FAM200B: variants seen among roughly 807,000 people sequenced by gnomAD.
The protein encoded by FAM200B is protein FAM200B.
A neutral mutation model predicts 33.1 loss-of-function variants in FAM200B; 32 were observed. The observed-to-expected ratio is 0.97, with a 90% confidence interval of 0.73 to 1.30. The LOEUF (loss-of-function observed/expected upper bound fraction) is 1.30. FAM200B is among the 50% of genes most tolerant of loss of function. FAM200B has a pLI of 0.00. For missense variants in FAM200B, 741 were observed against 754.0 expected, an observed-to-expected ratio of 0.98 and a Z score of 0.20; for synonymous variants, 240 against 264.8, an observed-to-expected ratio of 0.91 and a Z score of 0.91.
the FAM200B span, among the ~76,000 whole-genome samples, chr4:15,653,601 G>C: frequency 1.3e-5 from 2 of 151,934 alleles, no homozygotes; most frequent in Non-Finnish European, 2.9e-5. Context: ...AGAAAACCTT[G>C]GATTCTGTTA....
At chr4:15,657,507 CAAA>C in the FAM200B span, among the ~76,000 whole-genome samples, 1 of 152,018 alleles carries the variant, frequency 6.6e-6, no homozygotes, top group East Asian at 1.9e-4. Context: ...GCAACAACAA[CAAA>C]AAAAGTCCAT....
In FAM200B at chr4:15,689,026, G is replaced by A. The variant is rs1454887002; in HGVS notation, c.*75G>A. On this transcript the variant is annotated 3_prime_UTR_variant, in exon 2 of 2. Coordinates refer to ENST00000422728, the MANE Select transcript of FAM200B (RefSeq NM_001145191.2). The stretch of plus-strand genomic sequence containing the variant: ...TATTTTTCTATGTTATATTTAAATG[G>A]TACTATAATACTGTGATACTTTTGT... 14 of 1,095,228 alleles carry A rather than the reference G, an allele frequency of 1.3e-5. No homozygotes were observed. The highest frequency in any genetic ancestry group is 1.6e-5 in the Non-Finnish European group (13 of 812,788). 67.8% of individuals were successfully genotyped at this position (1,095,228 alleles called of 1,614,324 possible).
chr4:15,641,356 C>T, the FAM200B span, among the ~76,000 whole-genome samples: 2 of 152,098 alleles, frequency 1.3e-5, no homozygotes, highest in African/African-American at 2.4e-5. Context: ...GCCTCTCCCA[C>T]CCCTGCAACA....
At chr4:15,651,118 TCAGA>T in the FAM200B span, among the ~76,000 whole-genome samples, 1 of 152,200 alleles carries the variant, frequency 6.6e-6, no homozygotes, top group Non-Finnish European at 1.5e-5. Flanking sequence ...GTCTACTCAC[TCAGA>T]CAATGCTTTA....
the FAM200B span, chr4:15,644,467 G>C: frequency 1.3e-6 from 2 of 1,570,642 alleles, no homozygotes; most frequent in African/African-American, 3.0e-5. Flanking sequence ...AGTTTTGACA[G>C]TTGAATATCC....
At chr4:15,638,572 T>A in the FAM200B span, 1 of 1,608,402 alleles carries the variant, frequency 6.2e-7, no homozygotes, top group East Asian at 2.2e-5. Context: ...CATGATTCCA[T>A]AGGCTAAGAC....
the FAM200B span, among the ~76,000 whole-genome samples, chr4:15,651,254 A>T: frequency 6.6e-6 from 1 of 152,216 alleles, no homozygotes; most frequent in Admixed American, 6.5e-5. Flanking sequence ...AGAGCTACCA[A>T]TAAGTAGCAG....
the FAM200B span, among the ~76,000 whole-genome samples, chr4:15,644,082 C>A: frequency 6.6e-6 from 1 of 152,226 alleles, no homozygotes; most frequent in Admixed American, 6.5e-5. Context: ...AGTGAAAAAT[C>A]TCTCAGCCTT....
chr4:15,639,863 G>C, the FAM200B span, among the ~76,000 whole-genome samples: 10 of 152,236 alleles, frequency 6.6e-5, no homozygotes, highest in Non-Finnish European at 8.8e-5. Flanking sequence ...CTATAGTTGA[G>C]AATCACTACA....
chr4:15,662,434 C>T, the FAM200B span, among the ~76,000 whole-genome samples: 7 of 152,070 alleles, frequency 4.6e-5, no homozygotes, highest in African/African-American at 1.2e-4. Flanking sequence ...TAAAGATTAA[C>T]GGAATAAGTG....
At chr4:15,650,962 G>A in the FAM200B span, among the ~76,000 whole-genome samples, 1 of 152,054 alleles carries the variant, frequency 6.6e-6, no homozygotes. Flanking sequence ...ACATTCTACA[G>A]TGATAAATCA....
At chr4:15,655,853 A>G in the FAM200B span, among the ~76,000 whole-genome samples, 2 of 152,200 alleles carry the variant, frequency 1.3e-5, no homozygotes, top group African/African-American at 4.8e-5. Flanking sequence ...GGCCGAGCGC[A>G]GACCACCCCG....
the FAM200B span, among the ~76,000 whole-genome samples, chr4:15,667,826 G>A: frequency 6.6e-6 from 1 of 152,104 alleles, no homozygotes; most frequent in African/African-American, 2.4e-5. Context: ...CGGATCACCT[G>A]AGGTCAGGAG....
the FAM200B span, chr4:15,644,435 T>G: frequency 7.2e-7 from 1 of 1,390,994 alleles, no homozygotes; most frequent in Non-Finnish European, 1.0e-6. Context: ...GTTTTGCCAA[T>G]GATATACCAG....
chr4:15,638,437 TAC>T, the FAM200B span: 1 of 1,167,028 alleles, frequency 8.6e-7, no homozygotes, highest in Non-Finnish European at 1.2e-6. Flanking sequence ...AACCAAAATC[TAC>T]AGTTCATATC....
At chr4:15,659,139 C>G in the FAM200B span, among the ~76,000 whole-genome samples, 7 of 151,986 alleles carry the variant, frequency 4.6e-5, no homozygotes, top group Non-Finnish European at 1.5e-5. Flanking sequence ...GAAGGGTACC[C>G]AGTAAAATAA....
the FAM200B span, among the ~76,000 whole-genome samples, chr4:15,649,771 C>G: frequency 8.6e-5 from 13 of 152,030 alleles, no homozygotes; most frequent in African/African-American, 2.9e-4. Flanking sequence ...TGAGAAATTA[C>G]CCTAGTGTTT....
chr4:15,642,146 G>A, the FAM200B span, among the ~76,000 whole-genome samples: 3 of 151,968 alleles, frequency 2.0e-5, no homozygotes, highest in African/African-American at 7.2e-5. Context: ...GCAATTCTAA[G>A]GAGCTATAAA....
the FAM200B span, chr4:15,638,484 G>T: frequency 6.6e-7 from 1 of 1,516,114 alleles, no homozygotes; most frequent in Non-Finnish European, 8.8e-7. Context: ...CTAATAAATT[G>T]TTCTTTATAT....
Sources: allele counts gnomAD v4.1 joint callset (sites outside exome capture counted in the v4.1 genomes callset), GRCh38; gene constraint gnomAD v4.1.1; transcripts MANE v1.5; gene names NCBI Gene and HGNC (gene_info 2026-07-23, HGNC 2026-07-21).